Variants in F2RL1 observed in about 807,000 individuals in gnomAD.
F2RL1 encodes the protein proteinase-activated receptor 2.
Under a neutral mutation model 21.7 loss-of-function variants are expected in F2RL1, and 16 were observed. That is an observed-to-expected ratio of 0.74 (90% CI 0.50 to 1.12). The LOEUF (loss-of-function observed/expected upper bound fraction) is 1.12. Among genes scored for constraint, F2RL1 ranks in the 50% most tolerant of loss-of-function variants. The pLI is 0.00. For missense variants in F2RL1, 432 were observed against 477.8 expected (o/e 0.90, Z 0.89); for synonymous variants, 181 against 186.7 (o/e 0.97, Z 0.25).
At chr5:76,830,297 A>T (rs1750327673) in intron 1 of F2RL1, among the ~76,000 whole-genome samples, 1 of 152,036 alleles carries the variant, frequency 6.6e-6, no homozygotes, top group African/African-American at 2.4e-5. Flanking sequence ...TTGTTGTTTG[A>T]TACAGACTTT....
At position 76,829,919 on chromosome 5, in the gene F2RL1, T is replaced by G. The variant is rs538201218; in HGVS notation, c.83-2771T>G. Reference sequence around the variant, plus strand: ...TTTTTTTAAATTTAAAAACAACATATGTTCTTTTTGAAGAATTATATAAAA... The same window carrying G: ...TTTTTTTAAATTTAAAAACAACATAGGTTCTTTTTGAAGAATTATATAAAA... On this transcript the variant is annotated intron_variant, in intron 1 of 1. Transcript: ENST00000296677. Among the ~76,000 whole-genome samples the G allele has an allele frequency of 3.3e-5, 5 of 152,322 alleles. No individual in the cohort carries two copies. In the South Asian group the frequency reaches 8.3e-4, roughly 25 times the overall value.
In F2RL1 at chr5:76,828,663, T is replaced by C. The variant is rs553194632; in HGVS notation, c.83-4027T>C. On this transcript the variant is annotated intron_variant, in intron 1 of 1. Coordinates refer to ENST00000296677, the MANE Select transcript of F2RL1 (RefSeq NM_005242.6). ...ACCATGCCTGGCTAATTTTTTTTTT[T>C]TTTAATTTTTTGTAGAGACACGGTC... 2.2e-3 allele frequency among the ~76,000 whole-genome samples: 333 copies of C among 151,876 alleles called. 2 individuals carry two copies. The highest frequency in any genetic ancestry group is 7.6e-3 in the African/African-American group (315 of 41,410).
Position 76,827,325 on chromosome 5 carries a change from CAAAAAAAAAA to C in F2RL1, c.83-5350_83-5341del, listed in dbSNP as rs764040748. On this transcript the variant is annotated intron_variant, in intron 1 of 1. Transcript: ENST00000296677. ...TGAAACCCCATCTCTACTAAAAATA[CAAAAAAAAAA>C]AAAAAAAAAAAAAATTAGCCAGGCG... Among the ~76,000 whole-genome samples the C allele has an allele frequency of 8.2e-3, 715 of 87,586 alleles. 7 individuals carry two copies. The highest frequency in any genetic ancestry group is 0.032 in the African/African-American group (673 of 21,206). The allele number at this position is 87,586 out of a possible 152,430, so 57.5% of individuals were successfully genotyped here. A position where few individuals can be genotyped will look rare whatever the true frequency, so the allele number is the denominator to read the frequency against.
chr5:76,831,215 GGCCAGACGGTTTCCCT>G (rs1247673233), intron 1 of F2RL1, among the ~76,000 whole-genome samples: 4 of 152,144 alleles, frequency 2.6e-5, no homozygotes, highest in Admixed American at 2.6e-4. Flanking sequence ...CACCTATCCA[GGCCAGACGGTTTCCCT>G]GCCAGTTGGC....
chr5:76,820,293 G>C (rs1436490767), intron 1 of F2RL1, among the ~76,000 whole-genome samples: 2 of 152,142 alleles, frequency 1.3e-5, no homozygotes. Context: ...AGGCCCCTCT[G>C]TTTGGGGCAG....
chr5:76,822,513 T>C (rs1361766319), intron 1 of F2RL1, among the ~76,000 whole-genome samples: 1 of 152,208 alleles, frequency 6.6e-6, no homozygotes, highest in Non-Finnish European at 1.5e-5. Flanking sequence ...CCACCGTGCC[T>C]GGCCAAAGTT....
At chr5:76,820,448 TAGGGAAA>T (rs1309750875) in intron 1 of F2RL1, among the ~76,000 whole-genome samples, 1 of 152,102 alleles carries the variant, frequency 6.6e-6, no homozygotes, top group Non-Finnish European at 1.5e-5. Context: ...CCTCTGCAGT[TAGGGAAA>T]AGGGTGTTAA....
At chr5:76,829,678 G>A (rs1465146784) in intron 1 of F2RL1, among the ~76,000 whole-genome samples, 2 of 152,132 alleles carry the variant, frequency 1.3e-5, no homozygotes, top group Non-Finnish European at 2.9e-5. Flanking sequence ...TAAGTGGCCT[G>A]TGAAATCAGT....
At chr5:76,831,050 C>T (rs944719892) in intron 1 of F2RL1, among the ~76,000 whole-genome samples, 1 of 152,156 alleles carries the variant, frequency 6.6e-6, no homozygotes, top group Non-Finnish European at 1.5e-5. Flanking sequence ...ATTGTCCTTA[C>T]TTACTCCTGC....
In F2RL1 at chr5:76,834,234, G is replaced by C. The variant is rs3135469; in HGVS notation, c.*433G>C. On this transcript the variant is annotated 3_prime_UTR_variant, in exon 2 of 2. Coordinates refer to ENST00000296677, the MANE Select transcript of F2RL1 (RefSeq NM_005242.6). ...TCCAACTGAACGACCTTACAAATGA[G>C]GAAACCAAGATAAATGAGCTGCCAG... 6.7e-3 allele frequency: 1,034 copies of C among 153,244 alleles called. 6 individuals are homozygous for C. Among genetic ancestry groups the C allele is most frequent in the African/African-American group, 0.024 (990 of 41,560 alleles). 9.5% of individuals were successfully genotyped at this position (153,244 alleles called of 1,614,324 possible).
chr5:76,826,517 C>A (rs1044068558), intron 1 of F2RL1, among the ~76,000 whole-genome samples: 1 of 145,020 alleles, frequency 6.9e-6, no homozygotes, highest in African/African-American at 2.5e-5. Context: ...TGTATCAGTA[C>A]TTTTTTTTTT....
chr5:76,826,992 A>G (rs1334183324), intron 1 of F2RL1, among the ~76,000 whole-genome samples: 1 of 151,662 alleles, frequency 6.6e-6, no homozygotes, highest in Non-Finnish European at 1.5e-5. Flanking sequence ...TGGGACTACA[A>G]GTGTGCACCA....
rs1025820977 is a variant in F2RL1, at chr5:76,833,850, T to G, written c.*49T>G. The G allele has an allele frequency of 1.3e-6, 2 of 1,563,618 alleles. No homozygotes were observed. The highest frequency in any genetic ancestry group is 2.7e-5 in the African/African-American group (2 of 73,384). On this transcript the variant is annotated 3_prime_UTR_variant, in exon 2 of 2. Coordinates refer to ENST00000296677, the MANE Select transcript of F2RL1 (RefSeq NM_005242.6). ...ATTGCACAGTAGGATGTGGAACCTG[T>G]TTAATGTTATGAGGACGTGTCTGTT...
chr5:76,823,827 T>TC (rs967385153), intron 1 of F2RL1, among the ~76,000 whole-genome samples: 4 of 151,136 alleles, frequency 2.6e-5, no homozygotes, highest in African/African-American at 7.3e-5. Flanking sequence ...TTTTTTTTTT[T>TC]TTTGAGACGG....
intron 1 of F2RL1, among the ~76,000 whole-genome samples, chr5:76,821,726 C>T (rs532305279): frequency 1.8e-4 from 27 of 151,294 alleles, no homozygotes; most frequent in Admixed American, 7.2e-4. Flanking sequence ...ACGACAGGCA[C>T]GCACCACCAC....
At chr5:76,820,860 C>T (rs1048153656) in intron 1 of F2RL1, among the ~76,000 whole-genome samples, 2 of 152,188 alleles carry the variant, frequency 1.3e-5, no homozygotes, top group Non-Finnish European at 2.9e-5. Flanking sequence ...CCTCCCCCCA[C>T]CATACTTTTA....
At chr5:76,821,718 G>C (rs929847626) in intron 1 of F2RL1, among the ~76,000 whole-genome samples, 1 of 150,790 alleles carries the variant, frequency 6.6e-6, no homozygotes, top group Admixed American at 6.6e-5. Context: ...TAGCTGGGAC[G>C]ACAGGCACGC....
chr5:76,827,325 C>CAAA (rs764040748), intron 1 of F2RL1, among the ~76,000 whole-genome samples: 66 of 87,566 alleles, frequency 7.5e-4, no homozygotes, highest in African/African-American at 2.9e-3. Flanking sequence ...ACTAAAAATA[C>CAAA]AAAAAAAAAA....
chr5:76,827,247 C>T (rs2243040), intron 1 of F2RL1, among the ~76,000 whole-genome samples: 6,689 of 148,158 alleles, frequency 0.045, 514 homozygotes, highest in African/African-American at 0.16. Context: ...TTTGGGAGGC[C>T]GAGGTGGGCG....
Sources: gnomAD v4.1 joint callset for allele counts (sites outside exome capture counted in the v4.1 genomes callset) on GRCh38, gnomAD v4.1.1 for gene constraint, MANE v1.5 for transcripts, NCBI Gene and HGNC (gene_info 2026-07-23, HGNC 2026-07-21) for gene names.